CACNA2D2: variants seen among roughly 807,000 people sequenced by gnomAD.
CACNA2D2 encodes the protein voltage-dependent calcium channel subunit alpha-2/delta-2.
Under a neutral mutation model 166.4 loss-of-function variants are expected in CACNA2D2, and 48 were observed. The observed-to-expected ratio is 0.29, with a 90% CI of 0.23 to 0.37. CACNA2D2 has a LOEUF of 0.37. Ranked by LOEUF, CACNA2D2 falls within the 10% of genes least tolerant of loss-of-function variation. The probability of loss-of-function intolerance (pLI) is 1.00; values close to 1 mark genes in which losing one functional copy is unlikely to be tolerated. For synonymous variants in CACNA2D2, 561 were observed against 573.7 expected (o/e 0.98, Z 0.32); for missense variants, 1,122 against 1,433.0 (o/e 0.78, Z 3.50).
At position 50,441,676 on chromosome 3, in the gene CACNA2D2, C is replaced by T. The variant is rs9812540; in HGVS notation, c.289-7247G>A. Among the ~76,000 whole-genome samples the T allele has an allele frequency of 7.0e-3, 1,060 of 152,350 alleles. 12 individuals are homozygous for T. Among genetic ancestry groups the T allele is most frequent in the East Asian group, 0.049 (252 of 5,184 alleles). Reference sequence around the variant, plus strand: ...GCCCTTTGCTCCTCTGAAACATACGCGAATTTCCAAACTGACTTGAAAACT... The same window carrying T: ...GCCCTTTGCTCCTCTGAAACATACGTGAATTTCCAAACTGACTTGAAAACT... On this transcript the variant is annotated intron_variant, in intron 2 of 37. Coordinates refer to ENST00000424201, the MANE Select transcript of CACNA2D2 (RefSeq NM_006030.4).
intron 2 of CACNA2D2, among the ~76,000 whole-genome samples, chr3:50,474,978 G>T (rs893517092): frequency 3.3e-5 from 5 of 152,134 alleles, no homozygotes; most frequent in African/African-American, 1.2e-4. Flanking sequence ...TGGGCCACTG[G>T]CAGGGAGGAC....
intron 3 of CACNA2D2, among the ~76,000 whole-genome samples, chr3:50,407,960 C>T (rs1232967138): frequency 6.6e-6 from 1 of 152,220 alleles, no homozygotes; most frequent in African/African-American, 2.4e-5. Context: ...CCTCCCTGGA[C>T]TCAGGGATTG....
chr3:50,387,635 A>C, intron 4 of CACNA2D2, 23 bp from the exon 5 acceptor site: 1 of 1,602,802 alleles, frequency 6.2e-7, no homozygotes, highest in Non-Finnish European at 8.5e-7. Flanking sequence ...GAGAGGCCTC[A>C]GCACTAGCTG....
chr3:50,452,221 T>C (rs1575708337), intron 2 of CACNA2D2, among the ~76,000 whole-genome samples: 1 of 152,336 alleles, frequency 6.6e-6, no homozygotes, highest in East Asian at 1.9e-4. Context: ...GTCTGTGGAA[T>C]TGGCTCAGGC....
intron 3 of CACNA2D2, among the ~76,000 whole-genome samples, chr3:50,415,243 CA>C (rs1465107051): frequency 6.6e-6 from 1 of 152,230 alleles, no homozygotes; most frequent in East Asian, 1.9e-4. Flanking sequence ...GCCAGAGAAG[CA>C]GTGTCCTGGG....
At chr3:50,458,239 G>C (rs1391351073) in intron 2 of CACNA2D2, among the ~76,000 whole-genome samples, 1 of 152,224 alleles carries the variant, frequency 6.6e-6, no homozygotes, top group African/African-American at 2.4e-5. Flanking sequence ...GACTTGGGAC[G>C]AGGGGCACCT....
At chr3:50,377,871 A>C in intron 15 of CACNA2D2, 68 bp from the exon 16 acceptor site, 2 of 1,507,798 alleles carry the variant, frequency 1.3e-6, no homozygotes, top group Non-Finnish European at 1.8e-6. Flanking sequence ...TGTTCAGAGC[A>C]GGGACTGAGG....
At chr3:50,449,341 C>T (rs372689546) in intron 2 of CACNA2D2, among the ~76,000 whole-genome samples, 6 of 152,250 alleles carry the variant, frequency 3.9e-5, no homozygotes, top group African/African-American at 1.4e-4. Context: ...ATATGCTGCT[C>T]GTGCCCAGCT....
At chr3:50,452,413 C>T (rs1322746418) in intron 2 of CACNA2D2, among the ~76,000 whole-genome samples, 1 of 152,202 alleles carries the variant, frequency 6.6e-6, no homozygotes, top group African/African-American at 2.4e-5. Flanking sequence ...GAAGGCCAAC[C>T]CTAAAGTGGG....
intron 3 of CACNA2D2, among the ~76,000 whole-genome samples, chr3:50,423,859 T>C (rs564991289): frequency 6.6e-6 from 1 of 152,330 alleles, no homozygotes; most frequent in South Asian, 2.1e-4. Flanking sequence ...GACAGGGCCC[T>C]TGACAAGGCC....
rs138018931 is a variant in CACNA2D2 at position 50,387,335 on chromosome 3, C to T, written c.510+233G>A. Among the ~76,000 whole-genome samples the T allele has an allele frequency of 3.0e-3, 454 of 152,266 alleles. 7 individuals are homozygous for T. The highest frequency in any genetic ancestry group is 9.9e-3 in the African/African-American group (411 of 41,510). ...ACTGCCCCGTGCGGGAAGGGCCAAGCGCCTCACCACCTGCCTCACACTGCA... is the reference window on the plus strand; with the variant it reads ...ACTGCCCCGTGCGGGAAGGGCCAAGTGCCTCACCACCTGCCTCACACTGCA... On this transcript the variant is annotated intron_variant, in intron 5 of 37. Coordinates refer to ENST00000424201, the MANE Select transcript of CACNA2D2 (RefSeq NM_006030.4).
intron 1 of CACNA2D2, among the ~76,000 whole-genome samples, chr3:50,502,629 T>C (rs1699025775): frequency 6.6e-6 from 1 of 152,170 alleles, no homozygotes; most frequent in South Asian, 2.1e-4. Flanking sequence ...CTCTCCAGGG[T>C]ACTCTCTCCT....
intron 3 of CACNA2D2, among the ~76,000 whole-genome samples, chr3:50,396,703 C>T (rs1706174140): frequency 7.7e-6 from 1 of 129,074 alleles, no homozygotes; most frequent in Non-Finnish European, 1.5e-5. Context: ...GGCCCGGAGG[C>T]TGTGTAAAGC....
chr3:50,444,376 T>C (rs1481388957), intron 2 of CACNA2D2, among the ~76,000 whole-genome samples: 1 of 152,272 alleles, frequency 6.6e-6, no homozygotes, highest in Non-Finnish European at 1.5e-5. Flanking sequence ...GCCATGGGTC[T>C]GAATTCCTGC....
In CACNA2D2 at chr3:50,380,990, C is replaced by G; in HGVS notation, c.784+5G>C. ...GGTAGACAGGGGACAGGGGCTGGTA[C>G]CTACCCGGGTAGTAGCGAGTGACTC... On this transcript the variant is annotated splice_donor_5th_base_variant and intron_variant, in intron 7 of 37. Coordinates refer to ENST00000424201, the MANE Select transcript of CACNA2D2 (RefSeq NM_006030.4). The surrounding 1 kb of genome is among the most constrained non-coding windows in gnomAD (Gnocchi z 4.9). The G allele has an allele frequency of 1.2e-6, 2 of 1,613,586 alleles. No homozygotes were observed. Among genetic ancestry groups the G allele is most frequent in the African/African-American group, 2.7e-5 (2 of 75,006 alleles).
At chr3:50,387,490 G>A (rs369096969) in intron 5 of CACNA2D2, 78 bp downstream of exon 5, 30 of 1,192,622 alleles carry the variant, frequency 2.5e-5, no homozygotes, top group Middle Eastern at 1.9e-4. Context: ...AATGTGTGGC[G>A]CTGAGTCCTA....
rs188404914 is a variant in CACNA2D2, at chr3:50,393,827, C to T, written c.465+282G>A. Among the ~76,000 whole-genome samples, 561 of 152,338 alleles carry T rather than the reference C, an allele frequency of 3.7e-3. 3 individuals are homozygous for T. The highest frequency in any genetic ancestry group is 0.01 in the Middle Eastern group (3 of 294). On this transcript the variant is annotated intron_variant, in intron 4 of 37. Coordinates refer to ENST00000424201, the MANE Select transcript of CACNA2D2 (RefSeq NM_006030.4). ...CCCGGGGGCTCTCCAAGAATCTGAACACCTTATCTGGGGAACACAGGGAAC... is the reference window on the plus strand; with the variant it reads ...CCCGGGGGCTCTCCAAGAATCTGAATACCTTATCTGGGGAACACAGGGAAC...
rs373316010 is a variant in CACNA2D2 at position 50,434,406 on chromosome 3, C to T, written c.312G>A (p.Leu104=). ...LREIYKDNRN[L]FEVQENEPQK... ...GAGGCTCATTCTCCTGTACCTCGAACAGGTTCCGGTTGTCCTTGTAAATCT... is the reference window on the plus strand; with the variant it reads ...GAGGCTCATTCTCCTGTACCTCGAATAGGTTCCGGTTGTCCTTGTAAATCT... The change falls in exon 3 of 38, where the codon CTG becomes CTA. Residue 104 remains leucine, a synonymous_variant. Coordinates refer to ENST00000424201, the MANE Select transcript of CACNA2D2 (RefSeq NM_006030.4). 18 of 1,614,056 alleles carry T rather than the reference C, an allele frequency of 1.1e-5. No homozygotes were observed. The highest frequency in any genetic ancestry group is 1.5e-5 in the Non-Finnish European group (18 of 1,180,002).
At position 50,364,605 on chromosome 3, in the gene CACNA2D2, A is replaced by C; in HGVS notation, c.*61T>G. ...TCTAAGGCGGGGAGTGTGGGGCAGG[A>C]GGGTGGGAAAGGCGAAGAGGCCGGG... On this transcript the variant is annotated 3_prime_UTR_variant, in exon 38 of 38. Transcript: ENST00000424201. 1 of 1,398,572 alleles carries C rather than the reference A, an allele frequency of 7.2e-7. No homozygotes were observed. The highest frequency in any genetic ancestry group is 9.4e-7 in the Non-Finnish European group (1 of 1,068,172). 86.6% of individuals were successfully genotyped at this position (1,398,572 alleles called of 1,614,324 possible). A position where few individuals can be genotyped will look rare whatever the true frequency, so the allele number is the denominator to read the frequency against.
Sources: allele counts gnomAD v4.1 joint callset (sites outside exome capture counted in the v4.1 genomes callset), GRCh38; gene constraint gnomAD v4.1.1; non-coding constraint Gnocchi (gnomAD v3.1); transcripts MANE v1.5; gene names NCBI Gene and HGNC (gene_info 2026-07-23, HGNC 2026-07-21).